The following LRRTM4 variants were observed in gnomAD, a reference collection of about 807,000 sequenced individuals.
LRRTM4 encodes leucine rich repeat transmembrane neuronal 4, also known as leucine-rich repeat transmembrane neuronal protein 4.
In LRRTM4, 25 loss-of-function variants were observed where a neutral mutation model predicts 47.6. The observed-to-expected ratio is 0.53, with a 90% CI of 0.38 to 0.73. The LOEUF is 0.73. Ranked by LOEUF, LRRTM4 falls within the 30% of genes least tolerant of loss-of-function variation. The pLI is 0.00. For synonymous variants in LRRTM4, 311 were observed against 269.5 expected (o/e 1.15, Z -1.51); for missense variants, 638 against 713.4 (o/e 0.89, Z 1.20).
chr2:77,148,578 A>G (rs1672335848), intron 3 of LRRTM4, among the ~76,000 whole-genome samples: 1 of 152,182 alleles, frequency 6.6e-6, no homozygotes, highest in African/African-American at 2.4e-5. Context: ...CTTCTGTAAC[A>G]AAGGAGTTAG....
At chr2:77,165,314 ATAAT>A in intron 3 of LRRTM4, among the ~76,000 whole-genome samples, 1 of 152,300 alleles carries the variant, frequency 6.6e-6, no homozygotes, top group Admixed American at 6.5e-5. Flanking sequence ...AATTGAGGCA[ATAAT>A]TAATAGCTTA....
intron 3 of LRRTM4, among the ~76,000 whole-genome samples, chr2:77,193,889 C>T (rs72807302): frequency 0.056 from 8,561 of 152,236 alleles, 338 homozygotes; most frequent in East Asian, 0.23. Context: ...AATGGAGACT[C>T]ATCCCTTTTG....
intron 3 of LRRTM4, among the ~76,000 whole-genome samples, chr2:76,994,015 C>CA (rs1191624143): frequency 6.6e-6 from 1 of 151,810 alleles, no homozygotes; most frequent in East Asian, 1.9e-4. Flanking sequence ...AACAGGAAAC[C>CA]AAACACCACA....
intron 3 of LRRTM4, among the ~76,000 whole-genome samples, chr2:77,384,100 T>C (rs1036326947): frequency 1.3e-5 from 2 of 152,250 alleles, no homozygotes; most frequent in East Asian, 3.9e-4. Flanking sequence ...AGTTGTTCAA[T>C]TAATGACTTC....
rs1671525262 is a variant in LRRTM4, at chr2:76,836,739, C to G, written c.1552-87823G>C. 3.9e-5 allele frequency among the ~76,000 whole-genome samples: 6 copies of G among 152,030 alleles called. 1 individual carries two copies. The South Asian group carries it at 1.2e-3, about 31-fold the overall frequency. On this transcript the variant is annotated intron_variant, in intron 3 of 3. Coordinates refer to ENST00000409884, the MANE Select transcript of LRRTM4 (RefSeq NM_001134745.3). ...TTACTAAGTAGCACAGCTGGGATTT[C>G]TATTCACATTTTCAGAACCAAAAAT... is the stretch of plus-strand genomic sequence containing the variant.
intron 3 of LRRTM4, among the ~76,000 whole-genome samples, chr2:76,910,362 T>A (rs374182393): frequency 6.0e-4 from 31 of 52,054 alleles, no homozygotes; most frequent in East Asian, 2.0e-3. Flanking sequence ...GGGGGGAGGG[T>A]GGAGGGATAA....
intron 3 of LRRTM4, among the ~76,000 whole-genome samples, chr2:76,784,606 A>C (rs1674574828): frequency 6.6e-6 from 1 of 152,080 alleles, no homozygotes; most frequent in South Asian, 2.1e-4. Flanking sequence ...AATTTCACTT[A>C]AGTTGTATTT....
chr2:77,012,397 C>T (rs1021753981), intron 3 of LRRTM4, among the ~76,000 whole-genome samples: 1 of 151,972 alleles, frequency 6.6e-6, no homozygotes, highest in African/African-American at 2.4e-5. Flanking sequence ...GAAATTAATG[C>T]CTAACAAGCG....
intron 3 of LRRTM4, among the ~76,000 whole-genome samples, chr2:76,974,165 TATAC>T (rs1558771453): frequency 2.5e-5 from 2 of 80,670 alleles, no homozygotes; most frequent in African/African-American, 8.5e-5. Flanking sequence ...CATATATATA[TATAC>T]ATACATATAT....
chr2:76,814,579 A>G (rs561474298), intron 3 of LRRTM4, among the ~76,000 whole-genome samples: 176 of 152,290 alleles, frequency 1.2e-3, no homozygotes, highest in African/African-American at 4.2e-3. Context: ...AAATATTTAC[A>G]TAGAATTCAT....
chr2:77,113,591 G>C (rs1671308787), intron 3 of LRRTM4, among the ~76,000 whole-genome samples: 1 of 151,148 alleles, frequency 6.6e-6, no homozygotes, highest in Non-Finnish European at 1.5e-5. Context: ...GTGTAGATAA[G>C]GGAAACTAAG....
At chr2:77,472,587 T>A (rs1335924107) in intron 3 of LRRTM4, among the ~76,000 whole-genome samples, 1 of 152,080 alleles carries the variant, frequency 6.6e-6, no homozygotes, top group African/African-American at 2.4e-5. Flanking sequence ...GCTTTGTCTA[T>A]ACCAAGAATG....
At chr2:77,261,137 A>G (rs1675908202) in intron 3 of LRRTM4, among the ~76,000 whole-genome samples, 1 of 152,124 alleles carries the variant, frequency 6.6e-6, no homozygotes, top group East Asian at 1.9e-4. Flanking sequence ...TATTAAGCAG[A>G]GTTCAGAAAA....
intron 3 of LRRTM4, among the ~76,000 whole-genome samples, chr2:77,317,706 A>G (rs1677656618): frequency 6.6e-6 from 1 of 152,118 alleles, no homozygotes; most frequent in Non-Finnish European, 1.5e-5. Flanking sequence ...GGTGAGGGGA[A>G]TGGTAAGGGG....
At chr2:77,132,241 A>C (rs1203365808) in intron 3 of LRRTM4, among the ~76,000 whole-genome samples, 1 of 152,116 alleles carries the variant, frequency 6.6e-6, no homozygotes, top group East Asian at 1.9e-4. Context: ...AGAACATGTG[A>C]TATCTGTCTT....
intron 3 of LRRTM4, among the ~76,000 whole-genome samples, chr2:76,779,314 C>A (rs1432973862): frequency 3.3e-4 from 46 of 141,228 alleles, no homozygotes; most frequent in South Asian, 1.4e-3. Flanking sequence ...CCTGGGTATC[C>A]TTGTTGACTT....
intron 3 of LRRTM4, among the ~76,000 whole-genome samples, chr2:77,218,016 C>T (rs1221871882): frequency 1.3e-5 from 2 of 151,894 alleles, no homozygotes; most frequent in Admixed American, 6.6e-5. Context: ...GACAGAGTTT[C>T]ACTCTTATTG....
chr2:76,981,894 A>T lies in LRRTM4; in HGVS notation c.1552-232978T>A, dbSNP rs576633474. On this transcript the variant is annotated intron_variant, in intron 3 of 3. Coordinates refer to ENST00000409884, the MANE Select transcript of LRRTM4 (RefSeq NM_001134745.3). ...GTTTTAAACATTAGATAAAGAGTAT[A>T]TATAAATCTTGTGTGGTTTGAGGAG... Among the ~76,000 whole-genome samples, 5 of 152,174 alleles carry T rather than the reference A, an allele frequency of 3.3e-5. No individual in the cohort carries two copies. The South Asian group carries it at 8.3e-4, about 25-fold the overall frequency.
chr2:77,428,550 A>T (rs908906108), intron 3 of LRRTM4, among the ~76,000 whole-genome samples: 2 of 152,208 alleles, frequency 1.3e-5, no homozygotes, highest in African/African-American at 4.8e-5. Flanking sequence ...CCCACAGTAG[A>T]ATATTGCCTT....
Sources: allele counts gnomAD v4.1 joint callset (sites outside exome capture counted in the v4.1 genomes callset), GRCh38; gene constraint gnomAD v4.1.1; transcripts MANE v1.5; gene names NCBI Gene and HGNC (gene_info 2026-07-23, HGNC 2026-07-21).